The following EML1 variants were observed in gnomAD, a reference collection of about 807,000 sequenced individuals.
EML1 encodes the protein echinoderm microtubule-associated protein-like 1.
EML1 carries 27 observed loss-of-function variants against 110.4 expected under a neutral mutation model. The ratio of observed to expected loss-of-function variants is 0.24; its 90% CI spans 0.18 to 0.34. The LOEUF is 0.34. Ranked by LOEUF, EML1 falls within the 10% of genes least tolerant of loss-of-function variation. The probability of loss-of-function intolerance (pLI) is 1.00; values close to 1 mark genes in which losing one functional copy is unlikely to be tolerated. For synonymous variants in EML1, 344 were observed against 385.8 expected, an observed-to-expected ratio of 0.89 and a Z score of 1.27; for missense variants, 741 against 1,030.9, an observed-to-expected ratio of 0.72 and a Z score of 3.85.
chr14:99,862,787 CAGCCGTACGT>C (rs2139872324), intron 2 of EML1, among the ~76,000 whole-genome samples: 1 of 152,242 alleles, frequency 6.6e-6, no homozygotes, highest in East Asian at 1.9e-4. Flanking sequence ...CTCCCTGCCC[CAGCCGTACGT>C]GCTGCTGCTT....
chr14:99,893,977 A>T (rs1331589352), intron 5 of EML1, among the ~76,000 whole-genome samples: 1 of 152,224 alleles, frequency 6.6e-6, no homozygotes, highest in East Asian at 1.9e-4. Flanking sequence ...AAGTTATTTT[A>T]TTATAGAAAT....
intron 1 of EML1, among the ~76,000 whole-genome samples, chr14:99,839,389 G>A (rs1356757261): frequency 6.6e-6 from 1 of 152,150 alleles, no homozygotes; most frequent in East Asian, 1.9e-4. Flanking sequence ...TTGCTAGACT[G>A]AGTGCCCTTG....
chr14:99,869,610 C>T (rs2059160080), intron 3 of EML1, among the ~76,000 whole-genome samples: 2 of 152,166 alleles, frequency 1.3e-5, no homozygotes, highest in African/African-American at 4.8e-5. Flanking sequence ...GAAGACATGT[C>T]AAAAGCCAGG....
intron 3 of EML1, among the ~76,000 whole-genome samples, chr14:99,869,359 A>G (rs1220842743): frequency 6.6e-6 from 1 of 152,166 alleles, no homozygotes; most frequent in Non-Finnish European, 1.5e-5. Context: ...TTGGGGCACC[A>G]AAAACAGCAC....
At chr14:99,928,041 GTGA>G (rs2060285061) in intron 17 of EML1, among the ~76,000 whole-genome samples, 1 of 140,256 alleles carries the variant, frequency 7.1e-6, no homozygotes, top group Non-Finnish European at 1.6e-5. Context: ...GGTGGTGGTG[GTGA>G]TGGTGATGGT....
chr14:99,926,280 T>G (rs1236292521), intron 17 of EML1, among the ~76,000 whole-genome samples: 1 of 117,276 alleles, frequency 8.5e-6, no homozygotes, highest in East Asian at 2.5e-4. Context: ...TTGTGTTTTT[T>G]GGGGTTTTTT....
intron 4 of EML1, among the ~76,000 whole-genome samples, chr14:99,882,532 G>T (rs1331308054): frequency 6.6e-6 from 1 of 151,790 alleles, no homozygotes; most frequent in Non-Finnish European, 1.5e-5. Flanking sequence ...TGTCACATAT[G>T]TATAAATCAG....
intron 4 of EML1, among the ~76,000 whole-genome samples, chr14:99,879,663 T>G (rs1419209430): frequency 6.6e-6 from 1 of 152,232 alleles, no homozygotes; most frequent in Non-Finnish European, 1.5e-5. Flanking sequence ...ATTAACAATT[T>G]AAAAAACCAT....
chr14:99,931,610 C>A (rs555084000), intron 17 of EML1, among the ~76,000 whole-genome samples: 1 of 152,004 alleles, frequency 6.6e-6, no homozygotes, highest in African/African-American at 2.4e-5. Flanking sequence ...TCTCAGTCTC[C>A]GAGAGAGCTG....
intron 4 of EML1, among the ~76,000 whole-genome samples, chr14:99,886,799 A>G (rs1365578449): frequency 1.3e-5 from 2 of 152,224 alleles, no homozygotes; most frequent in Admixed American, 1.3e-4. Context: ...GCTCTGAGGC[A>G]CAGTGAATAT....
intron 6 of EML1, 99 bp downstream of exon 6, chr14:99,894,857 T>C (rs1479722090): frequency 7.1e-7 from 1 of 1,400,484 alleles, no homozygotes; most frequent in Non-Finnish European, 9.4e-7. Flanking sequence ...CCTCTTAAGC[T>C]TTTAAAAAAC....
chr14:99,791,151 C>T (rs984147931), upstream of EML1, among the ~76,000 whole-genome samples: 2 of 152,308 alleles, frequency 1.3e-5, no homozygotes, highest in East Asian at 3.9e-4. Flanking sequence ...ATAAGCCCCG[C>T]CCTCGGCCTC....
chr14:99,878,457 T>G (rs2059330381), intron 3 of EML1, 28 bp from the exon 4 acceptor site: 2 of 1,591,046 alleles, frequency 1.3e-6, no homozygotes, highest in African/African-American at 2.7e-5. Context: ...TATTAAGGAG[T>G]TCACTGTCAC....
intron 11 of EML1, among the ~76,000 whole-genome samples, 181 bp from the exon 12 acceptor site, chr14:99,910,061 G>A (rs1292969711): frequency 6.6e-6 from 1 of 152,110 alleles, no homozygotes; most frequent in Non-Finnish European, 1.5e-5. Flanking sequence ...TAATCTCACA[G>A]CAGAAGTTAT....
chr14:99,887,614 G>A (rs922089659), intron 4 of EML1, among the ~76,000 whole-genome samples: 1 of 152,062 alleles, frequency 6.6e-6, no homozygotes, highest in Admixed American at 6.5e-5. Flanking sequence ...TTTTTCCACC[G>A]AGCTCACATC....
intron 1 of EML1, among the ~76,000 whole-genome samples, chr14:99,796,054 G>GCTTGAACC (rs1356164893): frequency 6.6e-6 from 1 of 152,098 alleles, no homozygotes; most frequent in Admixed American, 6.5e-5. Context: ...GGGCATGGTG[G>GCTTGAACC]CTTGAACCTG....
At chr14:99,862,808 C>T (rs994971002) in intron 2 of EML1, among the ~76,000 whole-genome samples, 2 of 152,162 alleles carry the variant, frequency 1.3e-5, no homozygotes, top group African/African-American at 4.8e-5. Context: ...GCTGCTGCTT[C>T]CCCTGAAGGC....
Position 99,940,128 on chromosome 14 carries a change from G to A in EML1, c.*16G>A. ...CGTCATTTAGTACCCACCGAGAGCTGTGGGGAGCAGCATGGGCAAGGAAGA... is the reference window on the plus strand; with the variant it reads ...CGTCATTTAGTACCCACCGAGAGCTATGGGGAGCAGCATGGGCAAGGAAGA... On this transcript the variant is annotated 3_prime_UTR_variant, in exon 22 of 22. Coordinates refer to ENST00000262233, the MANE Select transcript of EML1 (RefSeq NM_004434.3). The A allele has an allele frequency of 6.5e-7, 1 of 1,533,820 alleles. No homozygotes were observed. The highest frequency in any genetic ancestry group is 8.8e-7 in the Non-Finnish European group (1 of 1,141,264).
chr14:99,898,239 A>T lies in EML1; in HGVS notation c.834A>T (p.Ala278=), dbSNP rs772428671. The part of the protein sequence containing the change: ...AGHNDDVKCL[A]VHPDRITIAT... ...GTAAATATCCTTTTCTTAGCCTAGC[A>T]GTTCATCCTGATCGGATCACGATAG... Residue 278 remains alanine, a synonymous_variant, in exon 8 of 22, where the codon GCA becomes GCT. Coordinates refer to ENST00000262233, the MANE Select transcript of EML1 (RefSeq NM_004434.3). 1.0e-5 allele frequency: 16 copies of T among 1,602,384 alleles called. No homozygotes were observed. The highest frequency in any genetic ancestry group is 3.4e-5 in the Admixed American group (2 of 58,724).
Sources: allele counts gnomAD v4.1 joint callset (sites outside exome capture counted in the v4.1 genomes callset), GRCh38; gene constraint gnomAD v4.1.1; transcripts MANE v1.5; gene names NCBI Gene and HGNC (gene_info 2026-07-23, HGNC 2026-07-21).